The following ARK2C variants were observed in gnomAD, a reference collection of about 807,000 sequenced individuals.
ARK2C encodes E3 ubiquitin-protein ligase ARK2C.
chr18:46,390,194 G>A, the ARK2C span, among the ~76,000 whole-genome samples: 151 of 152,322 alleles, frequency 9.9e-4, no homozygotes, highest in Non-Finnish European at 1.6e-3. Context: ...TGGGAACTGG[G>A]CCGATTCCTG....
the ARK2C span, among the ~76,000 whole-genome samples, chr18:46,406,827 G>A: frequency 3.3e-5 from 5 of 152,340 alleles, no homozygotes; most frequent in Middle Eastern, 3.4e-3. Context: ...CAGGTGGCTG[G>A]GAGCGGATGG....
chr18:46,346,816 G>A, the ARK2C span, among the ~76,000 whole-genome samples: 83 of 152,292 alleles, frequency 5.5e-4, 2 homozygotes, highest in South Asian at 2.1e-4. Context: ...ACAGTTTTAG[G>A]GGTCTTAGGG....
chr18:46,407,296 ATTC>A, the ARK2C span, among the ~76,000 whole-genome samples: 1 of 152,042 alleles, frequency 6.6e-6, no homozygotes, highest in Non-Finnish European at 1.5e-5. Flanking sequence ...TTGGGGTAAG[ATTC>A]TTCTTCTCCT....
chr18:46,410,659 G>A, the ARK2C span, among the ~76,000 whole-genome samples: 2 of 152,172 alleles, frequency 1.3e-5, no homozygotes, highest in Non-Finnish European at 2.9e-5. Context: ...ATTGTCCATG[G>A]GCCTGGCTGA....
At chr18:46,402,602 G>A in the ARK2C span, among the ~76,000 whole-genome samples, 2 of 152,082 alleles carry the variant, frequency 1.3e-5, no homozygotes, top group Non-Finnish European at 2.9e-5. Context: ...CCAGGCTTAA[G>A]TGATCCTCCC....
At chr18:46,354,842 T>C in the ARK2C span, among the ~76,000 whole-genome samples, 2 of 152,246 alleles carry the variant, frequency 1.3e-5, no homozygotes, top group South Asian at 4.1e-4. Flanking sequence ...CTTTGGGGCC[T>C]ATAAGTAAAT....
the ARK2C span, among the ~76,000 whole-genome samples, chr18:46,338,955 A>G: frequency 6.7e-6 from 1 of 149,916 alleles, no homozygotes; most frequent in African/African-American, 2.5e-5. Context: ...GCTTCATGCA[A>G]CTCTCCTCTC....
At chr18:46,455,986 G>C in the ARK2C span, 1 of 1,611,862 alleles carries the variant, frequency 6.2e-7, no homozygotes, top group South Asian at 1.1e-5. Flanking sequence ...AAGACCCCAG[G>C]ATGGCAAGGG....
chr18:46,436,659 C>T, the ARK2C span, among the ~76,000 whole-genome samples: 3 of 152,246 alleles, frequency 2.0e-5, no homozygotes, highest in African/African-American at 4.8e-5. Flanking sequence ...TGCAGGAAGT[C>T]GTGGCTTTCA....
chr18:46,453,382 C>T, the ARK2C span, among the ~76,000 whole-genome samples: 6 of 152,180 alleles, frequency 3.9e-5, no homozygotes, highest in South Asian at 4.2e-4. Flanking sequence ...TTACTCCTAC[C>T]GAGGATGCAC....
the ARK2C span, among the ~76,000 whole-genome samples, chr18:46,399,476 C>T: frequency 0.016 from 2,447 of 152,226 alleles, 34 homozygotes; most frequent in East Asian, 0.095. Flanking sequence ...TGTGAGGAGC[C>T]GGTTTTATGG....
chr18:46,337,550 A>G, the ARK2C span: 6 of 984,560 alleles, frequency 6.1e-6, no homozygotes, highest in Non-Finnish European at 7.2e-6. Flanking sequence ...TGGTGGGCCC[A>G]GCCTTTTTTT....
the ARK2C span, among the ~76,000 whole-genome samples, chr18:46,436,054 G>A: frequency 9.9e-5 from 15 of 152,174 alleles, no homozygotes; most frequent in Admixed American, 4.6e-4. Context: ...ATGCAGGGTC[G>A]CTTGGTTTTG....
chr18:46,456,835 G>A, the ARK2C span: 1 of 562,308 alleles, frequency 1.8e-6, no homozygotes, highest in Non-Finnish European at 3.2e-6. Flanking sequence ...CCAGAATGGC[G>A]ACTGTCCCCA....
chr18:46,344,360 C>A, the ARK2C span, among the ~76,000 whole-genome samples: 1 of 141,744 alleles, frequency 7.1e-6, no homozygotes, highest in Non-Finnish European at 1.5e-5. Flanking sequence ...TCCCCCTTCT[C>A]CCCCCGCCCC....
the ARK2C span, chr18:46,334,701 T>C: frequency 6.3e-6 from 2 of 317,750 alleles, no homozygotes; most frequent in Admixed American, 6.3e-5. The surrounding 1 kb of genome is among the most constrained non-coding windows in gnomAD (Gnocchi z 4.4). Flanking sequence ...TGTGTGTGTG[T>C]GTGTGTGTGT....
the ARK2C span, among the ~76,000 whole-genome samples, chr18:46,395,128 T>C: frequency 6.6e-6 from 1 of 152,358 alleles, no homozygotes; most frequent in Non-Finnish European, 1.5e-5. Flanking sequence ...TTTATGGAGC[T>C]ATGGGGTGGA....
At chr18:46,408,993 C>T in the ARK2C span, among the ~76,000 whole-genome samples, 2 of 152,172 alleles carry the variant, frequency 1.3e-5, no homozygotes, top group Non-Finnish European at 2.9e-5. Flanking sequence ...GGGAAAGTTA[C>T]TTGACCTCTC....
chr18:46,349,973 G>A, the ARK2C span, among the ~76,000 whole-genome samples: 4 of 152,220 alleles, frequency 2.6e-5, no homozygotes, highest in East Asian at 1.9e-4. Flanking sequence ...TTACACGTAC[G>A]TATCTGTATT....
Sources: gnomAD v4.1 joint callset for allele counts (sites outside exome capture counted in the v4.1 genomes callset) on GRCh38, gnomAD v4.1.1 for gene constraint, Gnocchi (gnomAD v3.1) non-coding constraint, MANE v1.5 for transcripts, NCBI Gene and HGNC (gene_info 2026-07-23, HGNC 2026-07-21) for gene names.